TLL2: variants seen among roughly 807,000 people sequenced by gnomAD.
The protein encoded by TLL2 is tolloid like 2.
In TLL2, 106 loss-of-function variants were observed where a neutral mutation model predicts 123.0. The ratio of observed to expected loss-of-function variants is 0.86; its 90% CI spans 0.74 to 1.01. The LOEUF (loss-of-function observed/expected upper bound fraction) is 1.01. Among genes scored for constraint, TLL2 ranks in the 50% least tolerant of loss-of-function variants. TLL2 has a pLI of 0.00. For missense variants in TLL2, 1,332 were observed against 1,336.7 expected, an observed-to-expected ratio of 1.00 and a Z score of 0.06; for synonymous variants, 494 against 516.8, an observed-to-expected ratio of 0.96 and a Z score of 0.60.
At position 96,508,518 on chromosome 10, in the gene TLL2, C is replaced by G. The variant is rs150278025; in HGVS notation, c.175+4993G>C. Among the ~76,000 whole-genome samples the G allele has an allele frequency of 4.6e-5, 7 of 152,296 alleles. No individual in the cohort carries two copies. The East Asian group carries it at 1.3e-3, about 29-fold the overall frequency. On this transcript the variant is annotated intron_variant, in intron 1 of 20. Transcript: ENST00000357947. ...ATTTATCCTATCCTAACATGGGACCCACAGCTGTGAAGAAGGCCCTGGTAT... is the reference window on the plus strand; with the variant it reads ...ATTTATCCTATCCTAACATGGGACCGACAGCTGTGAAGAAGGCCCTGGTAT...
intron 1 of TLL2, among the ~76,000 whole-genome samples, chr10:96,507,557 T>A (rs1369858201): frequency 6.6e-6 from 1 of 152,248 alleles, no homozygotes; most frequent in African/African-American, 2.4e-5. Context: ...TGCTCTGTAC[T>A]CTGATAATGT....
At chr10:96,379,661 A>G (rs1047126824) in intron 16 of TLL2, among the ~76,000 whole-genome samples, 70 of 152,100 alleles carry the variant, frequency 4.6e-4, no homozygotes, top group Non-Finnish European at 1.6e-4. Context: ...GCCTCTACTA[A>G]AAATACAAAA....
intron 1 of TLL2, among the ~76,000 whole-genome samples, chr10:96,510,402 G>A (rs948160235): frequency 5.3e-5 from 8 of 152,138 alleles, no homozygotes; most frequent in South Asian, 2.1e-4. Flanking sequence ...CCACTCCCCC[G>A]TCACTTGATT....
At chr10:96,473,126 T>A (rs972523492) in intron 2 of TLL2, among the ~76,000 whole-genome samples, 1 of 152,056 alleles carries the variant, frequency 6.6e-6, no homozygotes, top group African/African-American at 2.4e-5. Flanking sequence ...AGAGTACAGA[T>A]AGGAACTCTA....
At chr10:96,456,521 C>A (rs1847017683) in intron 2 of TLL2, among the ~76,000 whole-genome samples, 1 of 152,224 alleles carries the variant, frequency 6.6e-6, no homozygotes, top group African/African-American at 2.4e-5. Flanking sequence ...CACCAGGGAG[C>A]TGCCCTAAGG....
chr10:96,482,791 A>T (rs569288345), intron 1 of TLL2, among the ~76,000 whole-genome samples: 1 of 152,366 alleles, frequency 6.6e-6, no homozygotes, highest in Non-Finnish European at 1.5e-5. Context: ...GTACACTTAC[A>T]ATAAGTGAAT....
At chr10:96,434,492 G>A (rs1379299237) in intron 3 of TLL2, among the ~76,000 whole-genome samples, 1 of 152,190 alleles carries the variant, frequency 6.6e-6, no homozygotes, top group Non-Finnish European at 1.5e-5. Flanking sequence ...ATGTTTTCAA[G>A]GATCACTCAT....
intron 13 of TLL2, 66 bp downstream of exon 13, chr10:96,395,121 T>G (rs960618658): frequency 1.9e-5 from 28 of 1,497,696 alleles, no homozygotes; most frequent in Non-Finnish European, 2.5e-5. Flanking sequence ...GTTTTGTGTG[T>G]CTTAGGCCAG....
chr10:96,422,512 G>T (rs551910940), intron 6 of TLL2, 37 bp downstream of exon 6: 2 of 1,610,734 alleles, frequency 1.2e-6, no homozygotes, highest in South Asian at 1.1e-5. Flanking sequence ...CCACCTTCTC[G>T]ACCGGTGCCT....
intron 1 of TLL2, among the ~76,000 whole-genome samples, chr10:96,481,705 C>T (rs1301038180): frequency 6.6e-6 from 1 of 152,152 alleles, no homozygotes; most frequent in East Asian, 1.9e-4. Context: ...ACTAAGAATG[C>T]TGATAGCATG....
At chr10:96,402,818 G>C (rs1846408827) in intron 10 of TLL2, among the ~76,000 whole-genome samples, 1 of 152,168 alleles carries the variant, frequency 6.6e-6, no homozygotes, top group Non-Finnish European at 1.5e-5. Flanking sequence ...CCTCTGTCCA[G>C]CCTCTTCTGA....
In TLL2 at chr10:96,370,295, C is replaced by A; in HGVS notation, c.2683G>T (p.Ala895Ser). Reference protein sequence around the residue: ...HSTECGGRLKAEVQTKELYSH... With the variant: ...HSTECGGRLKSEVQTKELYSH... The stretch of plus-strand genomic sequence containing the variant: ...TAGAGCTCTTTGGTCTGCACTTCAG[C>A]CTTCAGCCTGCCCCCGCACTCTGGA... The change falls in exon 20 of 21, where the codon GCT (alanine) becomes TCT (serine). Residue 895 changes from alanine to serine, a missense_variant. By Grantham distance (99) the Ala-to-Ser change is moderately conservative. Coordinates refer to ENST00000357947, the MANE Select transcript of TLL2 (RefSeq NM_012465.4). 1 of 1,590,414 alleles carries A rather than the reference C, an allele frequency of 6.3e-7. No individual in the cohort carries two copies. The highest frequency in any genetic ancestry group is 8.6e-7 in the Non-Finnish European group (1 of 1,166,952).
chr10:96,406,147 G>A (rs754489596), intron 9 of TLL2, among the ~76,000 whole-genome samples: 1 of 152,242 alleles, frequency 6.6e-6, no homozygotes, highest in African/African-American at 2.4e-5. Flanking sequence ...GGTCCCAGGG[G>A]CTGGGCCTCA....
chr10:96,405,325 T>A lies in TLL2; in HGVS notation c.1174A>T (p.Asn392Tyr). 1 of 1,614,122 alleles carries A rather than the reference T, an allele frequency of 6.2e-7. No individual in the cohort carries two copies. The highest frequency in any genetic ancestry group is 1.1e-5 in the South Asian group (1 of 91,064). Residue 392 changes from asparagine (N) to tyrosine (Y), a missense_variant, in exon 10 of 21, where the codon AAC (asparagine) becomes TAC (tyrosine). By Grantham distance (143) the Asn-to-Tyr change is moderately radical. Coordinates refer to ENST00000357947, the MANE Select transcript of TLL2 (RefSeq NM_012465.4). ...SVTPGEKIVLNFTSMDLFKSR... is the reference protein window; with the variant it reads ...SVTPGEKIVLYFTSMDLFKSR... Reference sequence around the variant, plus strand: ...TTAAACAAATCCATGGATGTGAAGTTTAATACGATCTGTAAAGAATTACCA... The same window carrying A: ...TTAAACAAATCCATGGATGTGAAGTATAATACGATCTGTAAAGAATTACCA...
chr10:96,428,085 G>A (rs1030083290), intron 5 of TLL2, among the ~76,000 whole-genome samples: 4 of 152,152 alleles, frequency 2.6e-5, no homozygotes, highest in African/African-American at 7.2e-5. Context: ...GTGACTCACC[G>A]CTCCTGGCCG....
At chr10:96,459,323 C>T (rs1414733740) in intron 2 of TLL2, among the ~76,000 whole-genome samples, 4 of 151,938 alleles carry the variant, frequency 2.6e-5, no homozygotes, top group African/African-American at 9.7e-5. Flanking sequence ...GAAGGATGTA[C>T]CCACCAAATA....
chr10:96,504,672 C>A (rs1173144502), intron 1 of TLL2, among the ~76,000 whole-genome samples: 1 of 152,162 alleles, frequency 6.6e-6, no homozygotes, highest in Admixed American at 6.5e-5. Flanking sequence ...TTAAAAATCA[C>A]CAGGCTTTGA....
chr10:96,448,716 T>C (rs1486298509), intron 2 of TLL2, among the ~76,000 whole-genome samples: 1 of 152,098 alleles, frequency 6.6e-6, no homozygotes, highest in Non-Finnish European at 1.5e-5. Context: ...AGAGAAGCAT[T>C]TCAAACTATG....
intron 2 of TLL2, among the ~76,000 whole-genome samples, chr10:96,468,989 G>A (rs889126007): frequency 2.6e-5 from 4 of 152,228 alleles, no homozygotes; most frequent in African/African-American, 9.7e-5. Context: ...AGATGTGCAC[G>A]TTATCAGATG....
Sources: gnomAD v4.1 joint callset for allele counts (sites outside exome capture counted in the v4.1 genomes callset) on GRCh38, gnomAD v4.1.1 for gene constraint, MANE v1.5 for transcripts, NCBI Gene and HGNC (gene_info 2026-07-23, HGNC 2026-07-21) for gene names.